TTPA: variants seen among roughly 807,000 people sequenced by gnomAD.
TTPA encodes the protein alpha tocopherol transfer protein.
In TTPA, 23 loss-of-function variants were observed where a neutral mutation model predicts 25.9. The observed-to-expected ratio is 0.89, with a 90% CI of 0.64 to 1.26. The LOEUF (loss-of-function observed/expected upper bound fraction) is 1.26, where lower values mean the gene tolerates loss of function less well. TTPA is among the 50% of genes most tolerant of loss of function. The probability of loss-of-function intolerance (pLI) is 0.00; values close to 1 mark genes in which losing one functional copy is unlikely to be tolerated. For synonymous variants in TTPA, 148 were observed against 137.3 expected, an observed-to-expected ratio of 1.08 and a Z score of -0.54; for missense variants, 337 against 353.1, an observed-to-expected ratio of 0.95 and a Z score of 0.37.
intron 2 of TTPA, among the ~76,000 whole-genome samples, chr8:63,067,922 C>A (rs1805422546): frequency 6.6e-6 from 1 of 152,084 alleles, no homozygotes; most frequent in African/African-American, 2.4e-5. Context: ...CAGCTGCATC[C>A]CTGTTGCTGC....
chr8:63,062,178 TA>T (rs879321606), intron 4 of TTPA, among the ~76,000 whole-genome samples: 371 of 135,714 alleles, frequency 2.7e-3, no homozygotes, highest in Non-Finnish European at 2.6e-3. Flanking sequence ...AGGCCCTGTC[TA>T]AAAAAAAAAA....
chr8:63,072,924 G>A lies in TTPA; in HGVS notation c.358+11C>T. 6.2e-7 allele frequency: 1 copy of A among 1,613,950 alleles called. No homozygotes were observed. Among genetic ancestry groups the A allele is most frequent in the Non-Finnish European group, 8.5e-7 (1 of 1,179,956 alleles). Reference sequence around the variant, plus strand: ...GAGAGGAGAAAAAAAAAAGAGTTGTGTATGACTTACCGATTCTGTAAATAA... The same window carrying A: ...GAGAGGAGAAAAAAAAAAGAGTTGTATATGACTTACCGATTCTGTAAATAA... On this transcript the variant is annotated intron_variant, in intron 2 of 4. Transcript: ENST00000260116.
At chr8:63,077,117 G>T (rs1458781839) in intron 1 of TTPA, among the ~76,000 whole-genome samples, 1 of 151,980 alleles carries the variant, frequency 6.6e-6, no homozygotes, top group Non-Finnish European at 1.5e-5. Flanking sequence ...AAGGACAAAG[G>T]CCTAAAATAT....
At chr8:63,058,774 T>A (rs2129726852), downstream of TTPA, among the ~76,000 whole-genome samples, 1 of 152,214 alleles carries the variant, frequency 6.6e-6, no homozygotes, top group African/African-American at 2.4e-5. Context: ...GGTACTAAAC[T>A]AATCACTCCT....
intron 1 of TTPA, among the ~76,000 whole-genome samples, chr8:63,077,709 T>C (rs1377724237): frequency 1.3e-5 from 2 of 152,234 alleles, no homozygotes; most frequent in African/African-American, 2.4e-5. Context: ...ACAGCCTCCA[T>C]AGACTCCACC....
Position 63,085,995 on chromosome 8 carries a change from C to T in TTPA, c.27G>A (p.Ser9=). The change falls in exon 1 of 5, where the codon TCG becomes TCA. Residue 9 remains serine (S), a synonymous_variant. Coordinates refer to ENST00000260116, the MANE Select transcript of TTPA (RefSeq NM_000370.3). ...GTAGCGCGTTGAGCTGCGGCCCCGC[C>T]GAGGGCTGGGATCGCGCCTCTGCCA... MAEARSQP[S]AGPQLNALPD... is the part of the protein sequence containing the mutation. 3 of 1,496,378 alleles carry T rather than the reference C, an allele frequency of 2.0e-6. No individual in the cohort carries two copies. The highest frequency in any genetic ancestry group is 2.8e-5 in the East Asian group (1 of 36,060). The allele number at this position is 1,496,378 out of a possible 1,614,324, so 92.7% of individuals were successfully genotyped here.
At chr8:63,079,380 A>T (rs1805622954) in intron 1 of TTPA, among the ~76,000 whole-genome samples, 1 of 152,224 alleles carries the variant, frequency 6.6e-6, no homozygotes, top group Non-Finnish European at 1.5e-5. Context: ...TAAAAGATAC[A>T]GAGTGGCAAA....
At chr8:63,077,020 A>T (rs1194347698) in intron 1 of TTPA, among the ~76,000 whole-genome samples, 1 of 152,196 alleles carries the variant, frequency 6.6e-6, no homozygotes, top group Non-Finnish European at 1.5e-5. Context: ...GCAATCAAAG[A>T]CTAATAAAAT....
rs1361373507 is a variant in TTPA, at chr8:63,073,803, G to C, written c.205-715C>G. Among the ~76,000 whole-genome samples the C allele has an allele frequency of 2.0e-5, 3 of 152,138 alleles. No homozygotes were observed. The East Asian group carries it at 5.8e-4, about 29-fold the overall frequency. The stretch of plus-strand genomic sequence containing the variant: ...GTATTTTTTGAAATAAGGAAGTATA[G>C]AAATCAATCAAATGAGTTAGAAGAG... On this transcript the variant is annotated intron_variant, in intron 1 of 4. Transcript: ENST00000260116.
chr8:63,063,002 C>T (rs1805332047), intron 4 of TTPA, among the ~76,000 whole-genome samples: 1 of 152,188 alleles, frequency 6.6e-6, no homozygotes. Flanking sequence ...CAAACAGAAG[C>T]ATCCACTGCA....
downstream of TTPA, among the ~76,000 whole-genome samples, chr8:63,059,188 C>T (rs973382880): frequency 4.0e-5 from 6 of 149,848 alleles, no homozygotes; most frequent in Admixed American, 2.0e-4. Context: ...CCCGCCACTA[C>T]GCCCGGCTAA....
chr8:63,085,612 A>C lies in TTPA; in HGVS notation c.204+206T>G, dbSNP rs149997066. Among the ~76,000 whole-genome samples, 2,148 of 152,322 alleles carry C rather than the reference A, an allele frequency of 0.014. 15 individuals are homozygous for C. Among genetic ancestry groups the C allele is most frequent in the Middle Eastern group, 0.027 (8 of 292 alleles). ...AACACTTTCTAGCTTTGTCGTTTCC[A>C]TGACCCAGAGAAACTGGAGGACCAG... On this transcript the variant is annotated intron_variant, in intron 1 of 4. Transcript: ENST00000260116.
At chr8:63,082,310 CA>C (rs1468124576) in intron 1 of TTPA, among the ~76,000 whole-genome samples, 1 of 152,090 alleles carries the variant, frequency 6.6e-6, no homozygotes, top group Non-Finnish European at 1.5e-5. Context: ...ACCAATGGAA[CA>C]GAACAGAGGC....
chr8:63,077,267 C>T (rs377066787), intron 1 of TTPA, among the ~76,000 whole-genome samples: 13 of 152,188 alleles, frequency 8.5e-5, no homozygotes, highest in African/African-American at 2.7e-4. Context: ...GTGATTTCTG[C>T]GTTTCCAACT....
At chr8:63,068,632 T>C (rs1805435153) in intron 2 of TTPA, among the ~76,000 whole-genome samples, 1 of 152,096 alleles carries the variant, frequency 6.6e-6, no homozygotes, top group South Asian at 2.1e-4. Context: ...AGGGAGAGTT[T>C]TGTGGAACGA....
intron 1 of TTPA, among the ~76,000 whole-genome samples, chr8:63,073,730 T>G (rs186452119): frequency 6.6e-6 from 1 of 152,328 alleles, no homozygotes; most frequent in East Asian, 1.9e-4. Flanking sequence ...CCACTAATTC[T>G]TGGAGTGACT....
intron 2 of TTPA, among the ~76,000 whole-genome samples, chr8:63,070,060 A>C (rs1271851439): frequency 1.3e-5 from 2 of 152,208 alleles, no homozygotes; most frequent in Non-Finnish European, 2.9e-5. Context: ...TGCCCATTTT[A>C]CAGATGAGAA....
downstream of TTPA, among the ~76,000 whole-genome samples, chr8:63,059,322 G>A (rs1199698729): frequency 6.6e-6 from 1 of 151,544 alleles, no homozygotes; most frequent in Admixed American, 6.6e-5. Context: ...GTGAGCCACC[G>A]CGCCCGGCCC....
At chr8:63,058,654 A>G (rs773833617), downstream of TTPA, among the ~76,000 whole-genome samples, 1 of 152,216 alleles carries the variant, frequency 6.6e-6, no homozygotes, top group Non-Finnish European at 1.5e-5. Flanking sequence ...TCAAAGTTCC[A>G]TCATAAAATA....
Sources: gnomAD v4.1 joint callset for allele counts (sites outside exome capture counted in the v4.1 genomes callset) on GRCh38, gnomAD v4.1.1 for gene constraint, MANE v1.5 for transcripts, NCBI Gene and HGNC (gene_info 2026-07-23, HGNC 2026-07-21) for gene names.